The following SMIM10L3 variants were observed in gnomAD, a reference collection of about 807,000 sequenced individuals.
SMIM10L3 encodes small integral membrane protein 10 like 3, also known as salivary gland specific protein SAGSIN1.
the SMIM10L3 span, among the ~76,000 whole-genome samples, chr7:6,338,898 C>T: frequency 6.6e-6 from 1 of 152,170 alleles, no homozygotes; most frequent in Non-Finnish European, 1.5e-5. Flanking sequence ...CGCGGTGGGC[C>T]TTGAGGGACT....
chr7:6,334,711 C>T, the SMIM10L3 span, among the ~76,000 whole-genome samples: 9 of 152,116 alleles, frequency 5.9e-5, no homozygotes, highest in East Asian at 9.8e-4. Context: ...GGCAGTCCAC[C>T]TGCCTTGGCC....
the SMIM10L3 span, among the ~76,000 whole-genome samples, chr7:6,340,471 G>A: frequency 1.3e-5 from 2 of 152,162 alleles, no homozygotes; most frequent in African/African-American, 4.8e-5. Context: ...CATACCTGGA[G>A]TCGGCTGAAG....
chr7:6,342,284 C>T, the SMIM10L3 span, among the ~76,000 whole-genome samples: 42 of 152,162 alleles, frequency 2.8e-4, no homozygotes, highest in East Asian at 6.4e-3. Context: ...GTGGCTCACA[C>T]CTGTAATCCC....
At chr7:6,342,966 G>C in the SMIM10L3 span, among the ~76,000 whole-genome samples, 3 of 151,816 alleles carry the variant, frequency 2.0e-5, no homozygotes, top group Non-Finnish European at 4.4e-5. Context: ...GAGTCCAGGA[G>C]CTGGAGGCTG....
chr7:6,333,689 C>T, the SMIM10L3 span, among the ~76,000 whole-genome samples: 1 of 150,638 alleles, frequency 6.6e-6, no homozygotes, highest in Non-Finnish European at 1.5e-5. Flanking sequence ...AGAGCAGGAA[C>T]AGAAGTTTAT....
chr7:6,340,620 GTGCT>G, the SMIM10L3 span, among the ~76,000 whole-genome samples: 1 of 152,052 alleles, frequency 6.6e-6, no homozygotes, highest in African/African-American at 2.4e-5. Flanking sequence ...AAAATTATGA[GTGCT>G]GGCTGGGCAT....
chr7:6,336,963 C>T, the SMIM10L3 span, among the ~76,000 whole-genome samples: 20 of 151,760 alleles, frequency 1.3e-4, no homozygotes, highest in African/African-American at 4.8e-4. Context: ...CATATTCTTT[C>T]AAACCTTACA....
the SMIM10L3 span, among the ~76,000 whole-genome samples, chr7:6,337,953 G>C: frequency 6.6e-6 from 1 of 151,672 alleles, no homozygotes; most frequent in East Asian, 1.9e-4. Context: ...ACAGGCACCA[G>C]CTGCCACGCC....
the SMIM10L3 span, among the ~76,000 whole-genome samples, chr7:6,345,661 C>T: frequency 1.3e-5 from 2 of 152,104 alleles, no homozygotes; most frequent in Non-Finnish European, 2.9e-5. Flanking sequence ...CTGCAAATTA[C>T]GTTACTCTAG....
the SMIM10L3 span, among the ~76,000 whole-genome samples, chr7:6,338,024 G>A: frequency 4.2e-4 from 64 of 151,014 alleles, no homozygotes; most frequent in Non-Finnish European, 6.9e-4. Context: ...GGCTGCTCTC[G>A]AACTCCTGAC....
chr7:6,338,859 G>A, the SMIM10L3 span, among the ~76,000 whole-genome samples: 1 of 152,160 alleles, frequency 6.6e-6, no homozygotes, highest in Non-Finnish European at 1.5e-5. Context: ...GTCCCAAAGG[G>A]GAGAAGACAC....
At chr7:6,330,295 T>G in the SMIM10L3 span, 1 of 1,340,034 alleles carries the variant, frequency 7.5e-7, no homozygotes, top group Non-Finnish European at 1.0e-6. Context: ...GCTGCACAGT[T>G]TGCATCCAGA....
At chr7:6,347,566 G>T in the SMIM10L3 span, among the ~76,000 whole-genome samples, 2 of 151,906 alleles carry the variant, frequency 1.3e-5, no homozygotes, top group Non-Finnish European at 2.9e-5. Flanking sequence ...CGGTCTCCAG[G>T]GTGCTGGGGT....
At chr7:6,346,015 T>A in the SMIM10L3 span, among the ~76,000 whole-genome samples, 1 of 152,202 alleles carries the variant, frequency 6.6e-6, no homozygotes, top group East Asian at 1.9e-4. Context: ...GTGATCCGCC[T>A]GCTTCAGCCT....
At chr7:6,337,023 G>A in the SMIM10L3 span, among the ~76,000 whole-genome samples, 1 of 151,932 alleles carries the variant, frequency 6.6e-6, no homozygotes, top group Non-Finnish European at 1.5e-5. Context: ...TCCTTAAACG[G>A]AAGGATTCCT....
At chr7:6,339,602 G>C in the SMIM10L3 span, among the ~76,000 whole-genome samples, 1 of 151,742 alleles carries the variant, frequency 6.6e-6, no homozygotes, top group African/African-American at 2.4e-5. Flanking sequence ...CGCTGCCTCA[G>C]CCTCCGGAGT....
At chr7:6,330,182 A>G in the SMIM10L3 span, 18 of 610,152 alleles carry the variant, frequency 3.0e-5, no homozygotes, top group South Asian at 3.6e-4. Flanking sequence ...AGCACAATTT[A>G]ACACATGCCA....
the SMIM10L3 span, chr7:6,331,054 A>G: frequency 9.3e-5 from 150 of 1,613,716 alleles, no homozygotes; most frequent in Non-Finnish European, 1.3e-4. Flanking sequence ...GCCCTCCGGC[A>G]TTCTTTTCTT....
At chr7:6,339,490 G>GT in the SMIM10L3 span, among the ~76,000 whole-genome samples, 4,087 of 145,786 alleles carry the variant, frequency 0.028, 75 homozygotes, top group Middle Eastern at 0.06. Flanking sequence ...CCCTTTTTTT[G>GT]TTTTTTTTTT....
Sources: allele counts gnomAD v4.1 joint callset (sites outside exome capture counted in the v4.1 genomes callset), GRCh38; gene constraint gnomAD v4.1.1; transcripts MANE v1.5; gene names NCBI Gene and HGNC (gene_info 2026-07-23, HGNC 2026-07-21).